Variants in LHX2 observed in about 807,000 individuals in gnomAD.
LHX2 encodes the protein LIM homeobox 2.
LHX2 carries 6 observed loss-of-function variants against 33.0 expected under a neutral mutation model. That is an observed-to-expected ratio of 0.18 (90% CI 0.10 to 0.36). The LOEUF (loss-of-function observed/expected upper bound fraction) is 0.36. Ranked by LOEUF, LHX2 falls within the 10% of genes least tolerant of loss-of-function variation. The pLI is 1.00. For missense variants in LHX2, 442 were observed against 586.2 expected (o/e 0.75, Z 2.54); for synonymous variants, 292 against 253.1 (o/e 1.15, Z -1.46).
rs1262458336 is a variant in LHX2 at position 124,029,720 on chromosome 9, C to T, written c.934-2700C>T. Among the ~76,000 whole-genome samples the T allele has an allele frequency of 3.3e-5, 5 of 152,210 alleles. No homozygotes were observed. In the South Asian group the frequency reaches 6.2e-4, roughly 19 times the overall value. On this transcript the variant is annotated intron_variant, in intron 4 of 4. Coordinates refer to ENST00000373615, the MANE Select transcript of LHX2 (RefSeq NM_004789.4). ...CCTCAAACCCTCGACCCAGGCTCCC[C>T]GCTCCAGCTACTGCTCTGAGAGTCA...
At chr9:124,017,348 C>T (rs906180491) in intron 3 of LHX2, among the ~76,000 whole-genome samples, 2 of 152,160 alleles carry the variant, frequency 1.3e-5, no homozygotes, top group African/African-American at 2.4e-5. Context: ...GGCTATGCGG[C>T]TGGCTCTTTC....
intron 3 of LHX2, among the ~76,000 whole-genome samples, chr9:124,019,710 AT>A (rs1190188830): frequency 6.6e-6 from 1 of 152,186 alleles, no homozygotes; most frequent in East Asian, 1.9e-4. Context: ...CTGTATTTTC[AT>A]TTGCTAAATC....
At position 124,032,750 on chromosome 9, in the gene LHX2, T is replaced by C. The variant is rs914743925; in HGVS notation, c.*43T>C. The C allele has an allele frequency of 6.6e-7, 1 of 1,506,542 alleles. No homozygotes were observed. The highest frequency in any genetic ancestry group is 1.4e-5 in the African/African-American group (1 of 71,384). 93.3% of individuals were successfully genotyped at this position (1,506,542 alleles called of 1,614,324 possible). A position where few individuals can be genotyped will look rare whatever the true frequency, so the allele number is the denominator to read the frequency against. On this transcript the variant is annotated 3_prime_UTR_variant, in exon 5 of 5. Coordinates refer to ENST00000373615, the MANE Select transcript of LHX2 (RefSeq NM_004789.4). This position sits in a 1 kb window ranked among gnomAD's most constrained non-coding sequence, Gnocchi z 4.1. Reference sequence around the variant, plus strand: ...CCCCACAATTTCTTTAAAAAAGAAATTATCTTTAGTTGAATTCCAAGTGTA... The same window carrying C: ...CCCCACAATTTCTTTAAAAAAGAAACTATCTTTAGTTGAATTCCAAGTGTA...
rs753616625 is a variant in LHX2, at chr9:124,015,032, GC to G, written c.324-84del. On this transcript the variant is annotated intron_variant, in intron 2 of 4. Coordinates refer to ENST00000373615, the MANE Select transcript of LHX2 (RefSeq NM_004789.4). This position sits in a 1 kb window ranked among gnomAD's most constrained non-coding sequence, Gnocchi z 7.9. Reference sequence around the variant, plus strand: ...GGTTGTTCGTCTTGAGGAGGGGATTGCCCCCCGCAGCAGCAGCGGCACCTGG... The same window carrying G: ...GGTTGTTCGTCTTGAGGAGGGGATTGCCCCCGCAGCAGCAGCGGCACCTGG... The G allele has an allele frequency of 2.7e-6, 4 of 1,473,718 alleles. No individual in the cohort carries two copies. Among genetic ancestry groups the G allele is most frequent in the Admixed American group, 3.6e-5 (2 of 55,896 alleles). The allele number at this position is 1,473,718 out of a possible 1,614,324, so 91.3% of individuals were successfully genotyped here.
rs1676364931 is a variant in LHX2 at position 124,012,206 on chromosome 9, G to C, written c.-143G>C. The C allele has an allele frequency of 1.2e-6, 1 of 814,476 alleles. No individual in the cohort carries two copies. Among genetic ancestry groups the C allele is most frequent in the Admixed American group, 5.0e-5 (1 of 20,156 alleles). 50.5% of individuals were successfully genotyped at this position (814,476 alleles called of 1,614,324 possible). On this transcript the variant is annotated 5_prime_UTR_variant, in exon 1 of 5. Transcript: ENST00000373615. The surrounding 1 kb of genome is among the most constrained non-coding windows in gnomAD (Gnocchi z 4.3). Reference sequence around the variant, plus strand: ...CGCCCGGGGCCCGGAGCCCGGCCTGGGGGCTCAGCCGAGCTCGGGCGGGGC... The same window carrying C: ...CGCCCGGGGCCCGGAGCCCGGCCTGCGGGCTCAGCCGAGCTCGGGCGGGGC...
chr9:124,013,570 G>A (rs975674035), intron 1 of LHX2, among the ~76,000 whole-genome samples: 8 of 152,244 alleles, frequency 5.3e-5, no homozygotes, highest in African/African-American at 1.7e-4. Context: ...CTTATCCCCC[G>A]GGTGGCTCAT....
rs1289890204 is a variant in LHX2, at chr9:124,032,258, CAAAAAA to C, written c.934-160_934-155del. The C allele has an allele frequency of 6.1e-6, 5 of 815,116 alleles. No individual in the cohort carries two copies. The highest frequency in any genetic ancestry group is 9.2e-6 in the Non-Finnish European group (5 of 542,848). 50.5% of individuals were successfully genotyped at this position (815,116 alleles called of 1,614,324 possible). A position where few individuals can be genotyped will look rare whatever the true frequency, so the allele number is the denominator to read the frequency against. On this transcript the variant is annotated intron_variant, in intron 4 of 4. Coordinates refer to ENST00000373615, the MANE Select transcript of LHX2 (RefSeq NM_004789.4). The surrounding 1 kb of genome is among the most constrained non-coding windows in gnomAD (Gnocchi z 4.1). ...CCCTGTCTGCAAACAAAAACAAAAACAAAAAAACCAAAAAAGCAAAATATTGCCAAC... is the reference window on the plus strand; with the variant it reads ...CCCTGTCTGCAAACAAAAACAAAAACACCAAAAAAGCAAAATATTGCCAAC...
chr9:124,015,383 G>C lies in LHX2; in HGVS notation c.585G>C (p.Ala195=). 1 of 1,609,710 alleles carries C rather than the reference G, an allele frequency of 6.2e-7. No homozygotes were observed. The highest frequency in any genetic ancestry group is 2.2e-5 in the East Asian group (1 of 44,780). The part of the protein sequence containing the change: ...DVAAAAAAAA[A]AKSAGLGAAG... ...CAGCGGCGGCCGCTGCAGCCGCGGC[G>C]GCCAAGAGCGCGGGGCTGGGCGCAG... Residue 195 remains alanine (A), a synonymous_variant, in exon 3 of 5, where the codon GCG becomes GCC. Transcript: ENST00000373615. This position sits in a 1 kb window ranked among gnomAD's most constrained non-coding sequence, Gnocchi z 7.9.
chr9:124,013,022 A>G (rs1237346307), intron 1 of LHX2, among the ~76,000 whole-genome samples: 3 of 152,246 alleles, frequency 2.0e-5, no homozygotes, highest in African/African-American at 7.2e-5. Flanking sequence ...TAGCCAGGCC[A>G]GGGCTGGGAG....
intron 4 of LHX2, among the ~76,000 whole-genome samples, chr9:124,029,506 C>T (rs1160802809): frequency 6.6e-6 from 1 of 152,158 alleles, no homozygotes; most frequent in African/African-American, 2.4e-5. Flanking sequence ...TTTTCATCTA[C>T]CAGATTCCCA....
rs1486860381 is a variant in LHX2, at chr9:124,015,976, G to A, written c.727+451G>A. Among the ~76,000 whole-genome samples the A allele has an allele frequency of 1.3e-5, 2 of 152,254 alleles. No homozygotes were observed. Among genetic ancestry groups the A allele is most frequent in the Non-Finnish European group, 2.9e-5 (2 of 68,046 alleles). On this transcript the variant is annotated intron_variant, in intron 3 of 4. Transcript: ENST00000373615. This position sits in a 1 kb window ranked among gnomAD's most constrained non-coding sequence, Gnocchi z 7.9. ...GGCTGTGGCCCGGGGCGCCGAGCTC[G>A]GCCTGGAGTGCGGCCTGACCTCGTG...
At chr9:124,023,993 C>T (rs1828564809) in intron 4 of LHX2, among the ~76,000 whole-genome samples, 1 of 152,218 alleles carries the variant, frequency 6.6e-6, no homozygotes, top group Non-Finnish European at 1.5e-5. Context: ...AAATGATCTC[C>T]ACTTGCCCCA....
rs372302944 is a variant in LHX2 at position 124,018,977 on chromosome 9, C to T, written c.728-2122C>T. The stretch of plus-strand genomic sequence containing the variant: ...CTCATTAACAGCAGCCAGGCCCAGG[C>T]GGGGGCTCGGTGGAGGGATGGGCCC... On this transcript the variant is annotated intron_variant, in intron 3 of 4. Coordinates refer to ENST00000373615, the MANE Select transcript of LHX2 (RefSeq NM_004789.4). Among the ~76,000 whole-genome samples, 6 of 152,232 alleles carry T rather than the reference C, an allele frequency of 3.9e-5. 1 individual carries two copies. The highest frequency in any genetic ancestry group is 3.9e-4 in the East Asian group (2 of 5,194).
Position 124,015,521 on chromosome 9 carries a change from C to G in LHX2, c.723C>G (p.Asn241Lys), listed in dbSNP as rs1050701333. ...PGPGADLAAYNAALSCNENDA... is the reference protein window; with the variant it reads ...PGPGADLAAYKAALSCNENDA... ...CCGGTGCGGATCTGGCGGCCTACAACGCTGGTGAGTGCGCGGCGCACGAAG... is the reference window on the plus strand; with the variant it reads ...CCGGTGCGGATCTGGCGGCCTACAAGGCTGGTGAGTGCGCGGCGCACGAAG... The change falls in exon 3 of 5, where the codon AAC becomes AAG. Residue 241 changes from asparagine to lysine, a missense_variant. Asn to Lys is a moderately conservative substitution (Grantham distance 94). This residue lies in a region of LHX2 where 132 missense variants were observed against 139.1 expected (regional missense o/e 0.95). Transcript: ENST00000373615. This position sits in a 1 kb window ranked among gnomAD's most constrained non-coding sequence, Gnocchi z 7.9. 2 of 1,460,822 alleles carry G rather than the reference C, an allele frequency of 1.4e-6. No homozygotes were observed. Among genetic ancestry groups the G allele is most frequent in the Non-Finnish European group, 1.8e-6 (2 of 1,106,226 alleles). The allele number at this position is 1,460,822 out of a possible 1,614,324, so 90.5% of individuals were successfully genotyped here.
At chr9:124,018,713 G>C (rs886434668) in intron 3 of LHX2, among the ~76,000 whole-genome samples, 2 of 152,162 alleles carry the variant, frequency 1.3e-5, no homozygotes, top group Admixed American at 6.5e-5. Context: ...CTGTCTCTCT[G>C]TGGTTCTCCT....
At chr9:124,026,376 G>A (rs1375972215) in intron 4 of LHX2, among the ~76,000 whole-genome samples, 9 of 150,894 alleles carry the variant, frequency 6.0e-5, no homozygotes, top group African/African-American at 1.5e-4. Flanking sequence ...GAGGAGGATC[G>A]CTTGAGCCCA....
chr9:124,020,914 G>A (rs1859280595), intron 3 of LHX2, among the ~76,000 whole-genome samples, 185 bp from the exon 4 acceptor site: 1 of 152,154 alleles, frequency 6.6e-6, no homozygotes, highest in South Asian at 2.1e-4. Context: ...GATCCTGGGT[G>A]GATCGCTGTC....
intron 4 of LHX2, among the ~76,000 whole-genome samples, chr9:124,029,327 A>G (rs748646496): frequency 1.3e-5 from 2 of 152,134 alleles, no homozygotes; most frequent in Admixed American, 1.3e-4. Context: ...AGTCTCTGCC[A>G]TGCACCGGGG....
At chr9:124,017,192 CCT>C (rs1351999081) in intron 3 of LHX2, among the ~76,000 whole-genome samples, 2 of 152,154 alleles carry the variant, frequency 1.3e-5, no homozygotes, top group Non-Finnish European at 2.9e-5. Flanking sequence ...CTCTGGCCTC[CCT>C]CTCTCTTTTT....
Sources: gnomAD v4.1 joint callset for allele counts (sites outside exome capture counted in the v4.1 genomes callset) on GRCh38, gnomAD v4.1.1 for gene constraint, gnomAD v4.1.1 regional missense constraint, Gnocchi (gnomAD v3.1) non-coding constraint, MANE v1.5 for transcripts, NCBI Gene and HGNC (gene_info 2026-07-23, HGNC 2026-07-21) for gene names.